ATXN7L1: variants seen among roughly 807,000 people sequenced by gnomAD.
The protein encoded by ATXN7L1 is ataxin-7-like protein 1.
In ATXN7L1, 15 loss-of-function variants were observed where a neutral mutation model predicts 70.8. The observed-to-expected ratio is 0.21, with a 90% CI of 0.14 to 0.33. ATXN7L1 has a LOEUF of 0.33. Ranked by LOEUF, ATXN7L1 falls within the 10% of genes least tolerant of loss-of-function variation. The probability of loss-of-function intolerance (pLI) is 1.00; values close to 1 mark genes in which losing one functional copy is unlikely to be tolerated. For missense variants in ATXN7L1, 975 were observed against 1,097.1 expected (o/e 0.89, Z 1.57); for synonymous variants, 440 against 445.1 (o/e 0.99, Z 0.14).
At chr7:105,805,681 C>T (rs1807469865) in intron 2 of ATXN7L1, among the ~76,000 whole-genome samples, 1 of 152,116 alleles carries the variant, frequency 6.6e-6, no homozygotes, top group Admixed American at 6.5e-5. Context: ...GAGAGCTTCA[C>T]CAGGATGACC....
intron 3 of ATXN7L1, among the ~76,000 whole-genome samples, chr7:105,706,415 T>TG (rs1793172655): frequency 1.3e-5 from 2 of 152,164 alleles, no homozygotes; most frequent in East Asian, 1.9e-4. Context: ...AGGCTGGTCT[T>TG]GGACTCCTGA....
intron 2 of ATXN7L1, among the ~76,000 whole-genome samples, chr7:105,851,841 A>C (rs1814930129): frequency 6.6e-6 from 1 of 152,238 alleles, no homozygotes; most frequent in South Asian, 2.1e-4. Flanking sequence ...TCTTCATGCA[A>C]CAGGAGAGCT....
intron 3 of ATXN7L1, among the ~76,000 whole-genome samples, chr7:105,741,632 G>A (rs1798030245): frequency 6.6e-6 from 1 of 152,188 alleles, no homozygotes. Context: ...TGGAGGAATT[G>A]TGAGTTTTAT....
chr7:105,640,308 C>G (rs1014731904), intron 5 of ATXN7L1, among the ~76,000 whole-genome samples: 1 of 152,146 alleles, frequency 6.6e-6, no homozygotes, highest in African/African-American at 2.4e-5. Flanking sequence ...TGATGCTTCA[C>G]GTGGGAATAA....
At chr7:105,796,391 T>C (rs957947737) in intron 2 of ATXN7L1, among the ~76,000 whole-genome samples, 4 of 151,936 alleles carry the variant, frequency 2.6e-5, no homozygotes, top group South Asian at 2.1e-4. Flanking sequence ...ATTAATTAAG[T>C]CTCTGCTCAC....
At chr7:105,819,809 G>T in intron 2 of ATXN7L1, 1 of 641,148 alleles carries the variant, frequency 1.6e-6, no homozygotes. Flanking sequence ...GTGTTTGACG[G>T]CATCCCACCG....
chr7:105,818,229 G>C (rs1809491726), intron 2 of ATXN7L1, among the ~76,000 whole-genome samples: 1 of 152,120 alleles, frequency 6.6e-6, no homozygotes, highest in East Asian at 1.9e-4. Context: ...GAGTGCAGTG[G>C]AGAGATCTCA....
At chr7:105,738,987 C>A (rs1272763655) in intron 3 of ATXN7L1, among the ~76,000 whole-genome samples, 3 of 152,056 alleles carry the variant, frequency 2.0e-5, no homozygotes, top group Non-Finnish European at 4.4e-5. Flanking sequence ...CAAGGTCCAT[C>A]CCTTCTGACA....
chr7:105,694,050 C>CTTTTT (rs34797129), intron 3 of ATXN7L1, among the ~76,000 whole-genome samples: 3 of 139,386 alleles, frequency 2.2e-5, no homozygotes, highest in Admixed American at 7.2e-5. Flanking sequence ...AGAAGTGAGC[C>CTTTTT]TTTTTTTTTT....
At chr7:105,842,546 C>T (rs1405269519) in intron 2 of ATXN7L1, among the ~76,000 whole-genome samples, 4 of 152,142 alleles carry the variant, frequency 2.6e-5, no homozygotes, top group East Asian at 1.9e-4. Flanking sequence ...TGATATTTCA[C>T]GCCTTTTTTT....
At chr7:105,746,277 A>T (rs921033117) in intron 3 of ATXN7L1, among the ~76,000 whole-genome samples, 1 of 152,148 alleles carries the variant, frequency 6.6e-6, no homozygotes, top group Non-Finnish European at 1.5e-5. Flanking sequence ...CGCAGTGAGC[A>T]TGTCTCTCTC....
chr7:105,840,175 C>T (rs1812998820), intron 2 of ATXN7L1, among the ~76,000 whole-genome samples: 1 of 152,220 alleles, frequency 6.6e-6, no homozygotes, highest in South Asian at 2.1e-4. Context: ...ACCCAGCAGA[C>T]CCCAGGGAGC....
chr7:105,803,418 G>A (rs1401894124), intron 2 of ATXN7L1, among the ~76,000 whole-genome samples: 2 of 152,248 alleles, frequency 1.3e-5, no homozygotes, highest in Non-Finnish European at 2.9e-5. Context: ...CCTATCTAGT[G>A]GAGGGACGGC....
At chr7:105,859,318 GA>G (rs1664136193) in intron 2 of ATXN7L1, among the ~76,000 whole-genome samples, 1 of 151,984 alleles carries the variant, frequency 6.6e-6, no homozygotes, top group Non-Finnish European at 1.5e-5. Flanking sequence ...TCAAGATGTG[GA>G]AAAATGATAA....
intron 8 of ATXN7L1, 36 bp downstream of exon 8, chr7:105,624,039 C>T (rs961240893): frequency 5.1e-6 from 7 of 1,369,030 alleles, no homozygotes; most frequent in African/African-American, 3.0e-5. Context: ...AAAGCACAGG[C>T]GAAGAACGCA....
chr7:105,617,820 G>T, intron 9 of ATXN7L1: 1 of 402,022 alleles, frequency 2.5e-6, no homozygotes, highest in Non-Finnish European at 5.1e-6. Flanking sequence ...TGTGTTGGCG[G>T]CTCCTGATGC....
At chr7:105,760,663 G>T (rs1800421269) in intron 3 of ATXN7L1, 1 of 670,758 alleles carries the variant, frequency 1.5e-6, no homozygotes, top group South Asian at 6.8e-5. Flanking sequence ...GTTCACACAA[G>T]AAATACTTGT....
At chr7:105,612,589 G>A (rs1214521983) in intron 10 of ATXN7L1, among the ~76,000 whole-genome samples, 1 of 152,126 alleles carries the variant, frequency 6.6e-6, no homozygotes, top group Non-Finnish European at 1.5e-5. Flanking sequence ...TAGCCTCCAG[G>A]GAGAGCCCTG....
intron 3 of ATXN7L1, among the ~76,000 whole-genome samples, chr7:105,755,789 G>T (rs540395272): frequency 1.3e-5 from 2 of 152,270 alleles, no homozygotes; most frequent in East Asian, 1.9e-4. Context: ...CTCATTAAAA[G>T]AAAAGCTTTG....
Sources: allele counts gnomAD v4.1 joint callset (sites outside exome capture counted in the v4.1 genomes callset), GRCh38; gene constraint gnomAD v4.1.1; transcripts MANE v1.5; gene names NCBI Gene and HGNC (gene_info 2026-07-23, HGNC 2026-07-21).